The following ANGPT1 variants were observed in gnomAD, a reference collection of about 807,000 sequenced individuals.
ANGPT1 encodes angiopoietin 1.
Under a neutral mutation model 62.2 loss-of-function variants are expected in ANGPT1, and 17 were observed. The ratio of observed to expected loss-of-function variants is 0.27; its 90% CI spans 0.19 to 0.41. ANGPT1 has a LOEUF of 0.41. Among genes scored for constraint, ANGPT1 ranks in the 10% least tolerant of loss-of-function variants. ANGPT1 has a pLI of 1.00. For synonymous variants in ANGPT1, 199 were observed against 198.9 expected, an observed-to-expected ratio of 1.00 and a Z score of 0.00; for missense variants, 478 against 594.9, an observed-to-expected ratio of 0.80 and a Z score of 2.04.
rs1045099371 is a variant in ANGPT1 at position 107,250,158 on chromosome 8, T to C, written c.*1697A>G. ...AAGTTTGAAACTGGTATTGCTACCT[T>C]GCCAACAACTGTCTCTTTTATGAGA... On this transcript the variant is annotated 3_prime_UTR_variant, in exon 9 of 9. Transcript: ENST00000517746. The C allele has an allele frequency of 5.3e-5, 8 of 152,236 alleles. No individual in the cohort carries two copies. Among genetic ancestry groups the C allele is most frequent in the African/African-American group, 1.9e-4 (8 of 41,468 alleles). 9.4% of individuals were successfully genotyped at this position (152,236 alleles called of 1,614,324 possible).
intron 2 of ANGPT1, among the ~76,000 whole-genome samples, chr8:107,341,599 T>C: frequency 6.7e-6 from 1 of 148,190 alleles, no homozygotes; most frequent in East Asian, 1.9e-4. Context: ...TATATATAAA[T>C]ATATTTTATT....
chr8:107,291,317 T>A (rs1814265961), intron 6 of ANGPT1, among the ~76,000 whole-genome samples: 1 of 152,212 alleles, frequency 6.6e-6, no homozygotes, highest in African/African-American at 2.4e-5. Context: ...ATTATCATTG[T>A]CCTATTTTAA....
chr8:107,435,333 G>A (rs1485057978), intron 1 of ANGPT1, among the ~76,000 whole-genome samples: 1 of 152,226 alleles, frequency 6.6e-6, no homozygotes, highest in Non-Finnish European at 1.5e-5. Flanking sequence ...AAATGAGACA[G>A]TAAATCTTGC....
At chr8:107,471,013 A>C (rs2130497317) in intron 1 of ANGPT1, among the ~76,000 whole-genome samples, 1 of 152,282 alleles carries the variant, frequency 6.6e-6, no homozygotes, top group African/African-American at 2.4e-5. Flanking sequence ...CTAGAATCAG[A>C]AATACTATTT....
At position 107,370,176 on chromosome 8, in the gene ANGPT1, G is replaced by GAAAGAAAGAAAGAAAGA. The variant is rs1291848259; in HGVS notation, c.298-23080_298-23079insTCTTTCTTTCTTTCTTT. ...AAAGAGAAAGAAAGAAAGAGAGAAA[G>GAAAGAAAGAAAGAAAGA]AAGAAAGAAAGAAAGAAAAAAAGAA... On this transcript the variant is annotated intron_variant, in intron 1 of 8. Transcript: ENST00000517746. 5.2e-4 allele frequency among the ~76,000 whole-genome samples: 45 copies of GAAAGAAAGAAAGAAAGA among 86,084 alleles called. 1 individual carries two copies. Among genetic ancestry groups the GAAAGAAAGAAAGAAAGA allele is most frequent in the Non-Finnish European group, 6.1e-4 (26 of 42,770 alleles). 56.5% of individuals were successfully genotyped at this position (86,084 alleles called of 152,430 possible).
intron 7 of ANGPT1, among the ~76,000 whole-genome samples, chr8:107,266,928 GAAGAA>G (rs1267274596): frequency 2.0e-5 from 3 of 151,832 alleles, no homozygotes; most frequent in African/African-American, 7.2e-5. Context: ...ATAAATTTGA[GAAGAA>G]AAGCAAAAAG....
In ANGPT1 at chr8:107,434,979, T is replaced by C. The variant is rs536826609; in HGVS notation, c.297+62283A>G. The stretch of plus-strand genomic sequence containing the variant: ...AGAGGAATACTTGTTTGCCCTTTAG[T>C]GATTCTCTAATCACTAAATTAGATT... On this transcript the variant is annotated intron_variant, in intron 1 of 8. Coordinates refer to ENST00000517746, the MANE Select transcript of ANGPT1 (RefSeq NM_001146.5). Among the ~76,000 whole-genome samples, 9 of 152,338 alleles carry C rather than the reference T, an allele frequency of 5.9e-5. No individual in the cohort carries two copies. In the South Asian group the frequency reaches 1.9e-3, roughly 32 times the overall value.
intron 2 of ANGPT1, among the ~76,000 whole-genome samples, chr8:107,343,685 G>A (rs1815743334): frequency 6.6e-6 from 1 of 152,160 alleles, no homozygotes; most frequent in Non-Finnish European, 1.5e-5. Flanking sequence ...GAAGCATTTT[G>A]CCACATTAAC....
intron 1 of ANGPT1, among the ~76,000 whole-genome samples, chr8:107,395,541 G>A (rs763505526): frequency 4.6e-5 from 7 of 152,022 alleles, no homozygotes; most frequent in Non-Finnish European, 8.8e-5. Flanking sequence ...ATCTTTATGA[G>A]TTTTCATTGA....
At chr8:107,417,535 A>AT (rs141609947) in intron 1 of ANGPT1, among the ~76,000 whole-genome samples, 47,297 of 151,590 alleles carry the variant, frequency 0.31, 9,091 homozygotes, top group Middle Eastern at 0.48. Flanking sequence ...CTGCAGAGCC[A>AT]TTTTTTTTCA....
chr8:107,482,374 T>C (rs146322785), intron 1 of ANGPT1, among the ~76,000 whole-genome samples: 154 of 152,290 alleles, frequency 1.0e-3, no homozygotes, highest in Middle Eastern at 3.4e-3. Context: ...CTTTGAAGGC[T>C]CATTTGCTCC....
intron 5 of ANGPT1, among the ~76,000 whole-genome samples, chr8:107,296,890 C>G (rs1217779089): frequency 6.6e-6 from 1 of 152,008 alleles, no homozygotes; most frequent in South Asian, 2.1e-4. Context: ...AGAGAGGAAA[C>G]TATATTGTAC....
At chr8:107,298,917 T>C (rs1175635797) in intron 5 of ANGPT1, among the ~76,000 whole-genome samples, 1 of 151,808 alleles carries the variant, frequency 6.6e-6, no homozygotes, top group African/African-American at 2.4e-5. Flanking sequence ...CCAAACTTCC[T>C]GTTTACAATG....
intron 1 of ANGPT1, among the ~76,000 whole-genome samples, chr8:107,378,011 C>T (rs1445309858): frequency 1.3e-5 from 2 of 152,104 alleles, no homozygotes; most frequent in African/African-American, 4.8e-5. Flanking sequence ...AGCAGCAGAG[C>T]CAAGCGAATA....
intron 1 of ANGPT1, among the ~76,000 whole-genome samples, chr8:107,434,587 C>A (rs1169159068): frequency 1.3e-5 from 2 of 149,986 alleles, no homozygotes; most frequent in Non-Finnish European, 3.0e-5. Context: ...TCAGCTAAGA[C>A]AAACTTTAAA....
At chr8:107,363,453 C>T (rs1816209375) in intron 1 of ANGPT1, among the ~76,000 whole-genome samples, 3 of 152,114 alleles carry the variant, frequency 2.0e-5, no homozygotes, top group South Asian at 4.1e-4. Flanking sequence ...TTTATATTTA[C>T]GTGAGAAGCA....
At chr8:107,469,557 T>C (rs1007277126) in intron 1 of ANGPT1, among the ~76,000 whole-genome samples, 2 of 152,040 alleles carry the variant, frequency 1.3e-5, no homozygotes, top group African/African-American at 4.8e-5. Context: ...TGACAGGCTT[T>C]GTTATATACA....
intron 1 of ANGPT1, among the ~76,000 whole-genome samples, chr8:107,412,880 A>G (rs763570817): frequency 6.6e-5 from 10 of 152,156 alleles, no homozygotes; most frequent in Non-Finnish European, 1.5e-4. Flanking sequence ...GTAGGCTTCC[A>G]TGAATATTTG....
chr8:107,333,291 C>G (rs1349431253), intron 3 of ANGPT1, among the ~76,000 whole-genome samples: 1 of 151,780 alleles, frequency 6.6e-6, no homozygotes, highest in Non-Finnish European at 1.5e-5. Flanking sequence ...TACAGCAATA[C>G]CAGGAGGCAT....
Sources: gnomAD v4.1 joint callset for allele counts (sites outside exome capture counted in the v4.1 genomes callset) on GRCh38, gnomAD v4.1.1 for gene constraint, MANE v1.5 for transcripts, NCBI Gene and HGNC (gene_info 2026-07-23, HGNC 2026-07-21) for gene names.